The following LPP variants were observed in gnomAD, a reference collection of about 807,000 sequenced individuals.
LPP encodes the protein LIM domain containing preferred translocation partner in lipoma.
Under a neutral mutation model 60.4 loss-of-function variants are expected in LPP, and 38 were observed. The observed-to-expected ratio is 0.63, with a 90% CI of 0.49 to 0.83. The LOEUF (loss-of-function observed/expected upper bound fraction) is 0.83. Ranked by LOEUF, LPP falls within the 40% of genes least tolerant of loss-of-function variation. The pLI, the probability that LPP is intolerant of heterozygous loss-of-function variation, is 0.00. For synonymous variants in LPP, 328 were observed against 290.8 expected, an observed-to-expected ratio of 1.13 and a Z score of -1.30; for missense variants, 902 against 783.6, an observed-to-expected ratio of 1.15 and a Z score of -1.80.
At chr3:188,350,151 A>G (rs1261595250) in intron 3 of LPP, among the ~76,000 whole-genome samples, 1 of 152,176 alleles carries the variant, frequency 6.6e-6, no homozygotes, top group African/African-American at 2.4e-5. Flanking sequence ...CTTAGTAATC[A>G]TTTACTCAAC....
chr3:188,438,741 C>A (rs139163807), intron 4 of LPP, among the ~76,000 whole-genome samples: 1 of 152,120 alleles, frequency 6.6e-6, no homozygotes, highest in Non-Finnish European at 1.5e-5. Context: ...GTCACTATAA[C>A]GTAAAAACCA....
chr3:188,650,016 G>A (rs1275081977), intron 7 of LPP, among the ~76,000 whole-genome samples: 1 of 152,086 alleles, frequency 6.6e-6, no homozygotes, highest in Non-Finnish European at 1.5e-5. Flanking sequence ...CCATCTGTCT[G>A]TCTAGAGTTC....
intron 5 of LPP, among the ~76,000 whole-genome samples, chr3:188,512,783 C>T (rs1816196147): frequency 6.6e-6 from 1 of 152,066 alleles, no homozygotes; most frequent in Admixed American, 6.5e-5. Flanking sequence ...ATAAAGTTAA[C>T]ATCACATTTC....
chr3:188,407,881 C>A (rs1263678281), intron 4 of LPP, among the ~76,000 whole-genome samples: 1 of 146,650 alleles, frequency 6.8e-6, no homozygotes, highest in East Asian at 2.0e-4. Flanking sequence ...ACCTCCGCTT[C>A]CCGGGTTCAA....
chr3:188,420,984 T>C (rs963727818), intron 4 of LPP, among the ~76,000 whole-genome samples: 1 of 152,154 alleles, frequency 6.6e-6, no homozygotes, highest in African/African-American at 2.4e-5. Flanking sequence ...TAGAAATGAA[T>C]AGGGCATGGG....
At chr3:188,596,693 T>G (rs1204623495) in intron 6 of LPP, among the ~76,000 whole-genome samples, 1 of 152,164 alleles carries the variant, frequency 6.6e-6, no homozygotes, top group Non-Finnish European at 1.5e-5. Flanking sequence ...CTTCAAATAT[T>G]TTATTTGAAA....
chr3:188,168,945 C>T (rs1472518737), intron 1 of LPP, among the ~76,000 whole-genome samples: 1 of 152,180 alleles, frequency 6.6e-6, no homozygotes, highest in South Asian at 2.1e-4. Context: ...TTGTTTATCC[C>T]CATCAGTTTG....
chr3:188,863,819 T>C lies in LPP; in HGVS notation c.1411-2381T>C, dbSNP rs559286103. ...CAGCATCTGTAGACCACAAGGTCTT[T>C]CCATAGGAACTAAGCCTGTTATATT... On this transcript the variant is annotated intron_variant, in intron 9 of 11. Coordinates refer to ENST00000617246, the MANE Select transcript of LPP (RefSeq NM_001375462.1). Among the ~76,000 whole-genome samples the C allele has an allele frequency of 3.3e-5, 5 of 152,314 alleles. No homozygotes were observed. In the South Asian group the frequency reaches 8.3e-4, roughly 25 times the overall value.
At chr3:188,246,591 A>G (rs1267095230) in intron 2 of LPP, among the ~76,000 whole-genome samples, 3 of 152,182 alleles carry the variant, frequency 2.0e-5, no homozygotes, top group African/African-American at 7.2e-5. Flanking sequence ...CAGTTTCTAC[A>G]TTTTCTATTC....
intron 7 of LPP, among the ~76,000 whole-genome samples, chr3:188,706,366 T>C (rs1865482139): frequency 6.6e-6 from 1 of 152,220 alleles, no homozygotes; most frequent in Non-Finnish European, 1.5e-5. Flanking sequence ...AGTTTACTCA[T>C]CACTGTCTCA....
At chr3:188,527,989 G>A (rs947353956) in intron 6 of LPP, among the ~76,000 whole-genome samples, 5 of 152,102 alleles carry the variant, frequency 3.3e-5, no homozygotes, top group Non-Finnish European at 7.4e-5. Context: ...TTATGCAATT[G>A]AACTACCTTA....
chr3:188,460,604 G>C (rs73052724), intron 4 of LPP, among the ~76,000 whole-genome samples: 2 of 151,624 alleles, frequency 1.3e-5, no homozygotes, highest in Non-Finnish European at 2.9e-5. Context: ...TTAAAACATG[G>C]TATAATTTTA....
intron 9 of LPP, among the ~76,000 whole-genome samples, chr3:188,839,710 T>TA (rs909485819): frequency 8.7e-4 from 129 of 148,386 alleles, no homozygotes; most frequent in Middle Eastern, 6.9e-3. Flanking sequence ...TCATCTCTAT[T>TA]AAAAAAAAAA....
chr3:188,817,115 A>T (rs538454218), intron 9 of LPP, among the ~76,000 whole-genome samples: 31 of 152,310 alleles, frequency 2.0e-4, no homozygotes, highest in African/African-American at 7.5e-4. Flanking sequence ...TTTGAAATGA[A>T]CTTATACAGA....
chr3:188,707,996 T>TAGC (rs1865823268), intron 7 of LPP, among the ~76,000 whole-genome samples: 2 of 152,216 alleles, frequency 1.3e-5, no homozygotes. Flanking sequence ...AGTGATTACT[T>TAGC]AGCAATTGTT....
intron 5 of LPP, among the ~76,000 whole-genome samples, chr3:188,490,860 T>G (rs1352139767): frequency 6.7e-6 from 1 of 148,836 alleles, no homozygotes; most frequent in Non-Finnish European, 1.5e-5. Flanking sequence ...GTTCATGCCA[T>G]TCTCCTGCCT....
intron 6 of LPP, among the ~76,000 whole-genome samples, chr3:188,584,760 C>G (rs1449170216): frequency 6.7e-6 from 1 of 149,942 alleles, no homozygotes; most frequent in East Asian, 2.0e-4. Flanking sequence ...TTATTTGGGT[C>G]TTTTCAATAC....
intron 1 of LPP, chr3:188,179,613 A>C: frequency 2.6e-6 from 1 of 388,776 alleles, no homozygotes; most frequent in Non-Finnish European, 5.2e-6. Context: ...GTTTACTAGA[A>C]CTCCATTTCT....
chr3:188,538,009 A>G (rs1018744868), intron 6 of LPP, among the ~76,000 whole-genome samples: 1 of 152,092 alleles, frequency 6.6e-6, no homozygotes, highest in Non-Finnish European at 1.5e-5. Flanking sequence ...AGTTTTCTCA[A>G]CAAATGATGC....
Sources: gnomAD v4.1 joint callset for allele counts (sites outside exome capture counted in the v4.1 genomes callset) on GRCh38, gnomAD v4.1.1 for gene constraint, MANE v1.5 for transcripts, NCBI Gene and HGNC (gene_info 2026-07-23, HGNC 2026-07-21) for gene names.